The following COL14A1 variants were observed in gnomAD, a reference collection of about 807,000 sequenced individuals.
The protein encoded by COL14A1 is collagen type XIV alpha 1 chain.
In COL14A1, 136 loss-of-function variants were observed where a neutral mutation model predicts 230.3. That is an observed-to-expected ratio of 0.59 (90% confidence interval 0.51 to 0.68). The LOEUF (loss-of-function observed/expected upper bound fraction) is 0.68, where lower values mean the gene tolerates loss of function less well. Among genes scored for constraint, COL14A1 ranks in the 30% least tolerant of loss-of-function variants. The pLI, the probability that COL14A1 is intolerant of heterozygous loss-of-function variation, is 0.00. For missense variants in COL14A1, 1,976 were observed against 2,215.8 expected (o/e 0.89, Z 2.17); for synonymous variants, 792 against 784.1 (o/e 1.01, Z -0.17).
At chr8:120,326,791 T>C (rs1821684678) in intron 40 of COL14A1, among the ~76,000 whole-genome samples, 1 of 152,152 alleles carries the variant, frequency 6.6e-6, no homozygotes, top group Non-Finnish European at 1.5e-5. Context: ...TTTGGGAGGC[T>C]GAGGCAGGTG....
chr8:120,323,722 G>A (rs1821551108), intron 40 of COL14A1, among the ~76,000 whole-genome samples: 1 of 152,108 alleles, frequency 6.6e-6, no homozygotes, highest in Non-Finnish European at 1.5e-5. Context: ...AGGTCAGATA[G>A]TTGTTGGTGT....
chr8:120,315,918 C>T (rs1206562185), intron 39 of COL14A1, 26 bp from the exon 40 acceptor site: 1 of 1,612,524 alleles, frequency 6.2e-7, no homozygotes, highest in Non-Finnish European at 8.5e-7. Context: ...GTGAACCTGA[C>T]TCTTTTTTGT....
intron 5 of COL14A1, among the ~76,000 whole-genome samples, chr8:120,178,314 A>T (rs1430221816): frequency 6.6e-6 from 1 of 152,178 alleles, no homozygotes; most frequent in Non-Finnish European, 1.5e-5. Flanking sequence ...CTTATGAGTG[A>T]GAACATGCAG....
chr8:120,262,217 A>G (rs1819351640), intron 23 of COL14A1, among the ~76,000 whole-genome samples: 2 of 152,146 alleles, frequency 1.3e-5, no homozygotes, highest in Admixed American at 6.6e-5. Context: ...TCGTGCCTGT[A>G]ATCCCAGCAC....
At chr8:120,230,800 A>G (rs1006324312) in intron 18 of COL14A1, among the ~76,000 whole-genome samples, 3 of 152,252 alleles carry the variant, frequency 2.0e-5, no homozygotes, top group Admixed American at 2.0e-4. Flanking sequence ...AGAATGAGAA[A>G]AGATGGACAA....
Position 120,138,128 on chromosome 8 carries a change from C to G in COL14A1, c.-37-9678C>G, listed in dbSNP as rs185840017. On this transcript the variant is annotated intron_variant, in intron 1 of 47. Transcript: ENST00000297848. ...GTTGTTCACAACTCTATCAATATAT[C>G]TATATACCGATATATATCTATCAAT... 1.6e-4 allele frequency among the ~76,000 whole-genome samples: 25 copies of G among 152,094 alleles called. 1 individual carries two copies. Among genetic ancestry groups the G allele is most frequent in the African/African-American group, 4.8e-4 (20 of 41,504 alleles).
At chr8:120,196,478 A>G (rs1817043112) in intron 5 of COL14A1, among the ~76,000 whole-genome samples, 1 of 152,206 alleles carries the variant, frequency 6.6e-6, no homozygotes, top group African/African-American at 2.4e-5. Flanking sequence ...GAAAGAATCA[A>G]CAGGCAAAAG....
intron 25 of COL14A1, 141 bp downstream of exon 25, chr8:120,267,024 A>G: frequency 1.5e-6 from 1 of 684,920 alleles, no homozygotes. Context: ...AATGCTTATC[A>G]ACCATGATGG....
intron 2 of COL14A1, among the ~76,000 whole-genome samples, chr8:120,154,761 TA>T (rs1216120837): frequency 6.6e-6 from 1 of 152,200 alleles, no homozygotes; most frequent in Non-Finnish European, 1.5e-5. Context: ...CAAACGTTTA[TA>T]ATTATTAATG....
chr8:120,145,433 A>G (rs1030958901), intron 1 of COL14A1, among the ~76,000 whole-genome samples: 1 of 152,226 alleles, frequency 6.6e-6, no homozygotes, highest in Non-Finnish European at 1.5e-5. Flanking sequence ...AGCATGGGCA[A>G]CATGATGAAA....
At chr8:120,244,112 C>A (rs1242550812) in intron 20 of COL14A1, 104 bp downstream of exon 20, 1 of 1,356,266 alleles carries the variant, frequency 7.4e-7, no homozygotes, top group Non-Finnish European at 1.0e-6. Flanking sequence ...AGTGAAGAAA[C>A]TAAAAGATTT....
At chr8:120,264,493 A>G (rs1819445187) in intron 24 of COL14A1, among the ~76,000 whole-genome samples, 1 of 151,934 alleles carries the variant, frequency 6.6e-6, no homozygotes, top group Non-Finnish European at 1.5e-5. Flanking sequence ...TTAAATACCT[A>G]CTCTCTTGCC....
At chr8:120,228,839 T>C in intron 18 of COL14A1, 70 bp downstream of exon 18, 1 of 1,291,682 alleles carries the variant, frequency 7.7e-7, no homozygotes, top group East Asian at 2.3e-5. Context: ...ATTATCCTGG[T>C]TTTATTTATT....
chr8:120,346,938 C>T (rs1343297803), intron 45 of COL14A1, among the ~76,000 whole-genome samples: 1 of 152,092 alleles, frequency 6.6e-6, no homozygotes, highest in African/African-American at 2.4e-5. Flanking sequence ...AAAGTTTTTC[C>T]CTGTGTCAGG....
intron 7 of COL14A1, among the ~76,000 whole-genome samples, chr8:120,198,564 G>A (rs886253380): frequency 6.7e-6 from 1 of 149,328 alleles, no homozygotes; most frequent in African/African-American, 2.4e-5. Context: ...GTGCCAACAT[G>A]ATGCTAAAAA....
chr8:120,370,917 A>G (rs1353453207), intron 47 of COL14A1: 2 of 1,178,684 alleles, frequency 1.7e-6, no homozygotes, highest in Admixed American at 2.9e-5. Flanking sequence ...TAATATTTAA[A>G]TGGTTGGTTA....
chr8:120,273,408 G>A (rs1006088307), intron 26 of COL14A1, among the ~76,000 whole-genome samples: 24 of 151,372 alleles, frequency 1.6e-4, no homozygotes, highest in Admixed American at 1.5e-3. Flanking sequence ...ACAAACCAAA[G>A]CCAAAGCTAG....
At chr8:120,190,055 G>A (rs988344840) in intron 5 of COL14A1, among the ~76,000 whole-genome samples, 5 of 150,234 alleles carry the variant, frequency 3.3e-5, no homozygotes, top group African/African-American at 7.4e-5. Flanking sequence ...CTGAGGAATC[G>A]CCACACTGAC....
At chr8:120,237,214 C>G (rs28889138) in intron 19 of COL14A1, among the ~76,000 whole-genome samples, 14,079 of 152,160 alleles carry the variant, frequency 0.093, 1,271 homozygotes, top group East Asian at 0.4. Flanking sequence ...TTTCCAACTT[C>G]GTTCCATTCT....
Sources: allele counts gnomAD v4.1 joint callset (sites outside exome capture counted in the v4.1 genomes callset), GRCh38; gene constraint gnomAD v4.1.1; transcripts MANE v1.5; gene names NCBI Gene and HGNC (gene_info 2026-07-23, HGNC 2026-07-21).